Variants in DNAJC5B observed in about 807,000 individuals in gnomAD.
DNAJC5B encodes dnaJ homolog subfamily C member 5B.
DNAJC5B carries 23 observed loss-of-function variants against 24.7 expected under a neutral mutation model. That is an observed-to-expected ratio of 0.93 (90% CI 0.67 to 1.32). The LOEUF is 1.32. Among genes scored for constraint, DNAJC5B ranks in the 40% most tolerant of loss-of-function variants. DNAJC5B has a pLI of 0.00. For missense variants in DNAJC5B, 238 were observed against 240.8 expected, an observed-to-expected ratio of 0.99 and a Z score of 0.08; for synonymous variants, 101 against 90.1, an observed-to-expected ratio of 1.12 and a Z score of -0.68.
chr8:66,076,505 G>A (rs1807465555), intron 3 of DNAJC5B, among the ~76,000 whole-genome samples, 155 bp from the exon 4 acceptor site: 1 of 152,188 alleles, frequency 6.6e-6, no homozygotes, highest in East Asian at 1.9e-4. Flanking sequence ...ATCATTTAGT[G>A]AAAATGTACT....
chr8:66,094,957 A>G (rs982845104), intron 5 of DNAJC5B, among the ~76,000 whole-genome samples: 6 of 152,114 alleles, frequency 3.9e-5, no homozygotes, highest in Non-Finnish European at 7.4e-5. Flanking sequence ...AATTAAATTC[A>G]GCATAGTCTT....
intron 5 of DNAJC5B, among the ~76,000 whole-genome samples, chr8:66,097,579 C>G (rs1305519686): frequency 1.3e-5 from 2 of 150,418 alleles, no homozygotes; most frequent in East Asian, 1.9e-4. Flanking sequence ...TCAATTCTTT[C>G]ATCTGATAAC....
chr8:66,015,375 A>G, the DNAJC5B span, among the ~76,000 whole-genome samples: 1 of 152,078 alleles, frequency 6.6e-6, no homozygotes, highest in Non-Finnish European at 1.5e-5. Context: ...CATCGGCCTT[A>G]TGGCTTGAAA....
intron 1 of DNAJC5B, among the ~76,000 whole-genome samples, chr8:66,022,665 AAT>A (rs748967671): frequency 3.9e-5 from 6 of 152,228 alleles, no homozygotes; most frequent in Non-Finnish European, 7.4e-5. Flanking sequence ...ACACATCACG[AAT>A]AAATATATCA....
chr8:66,057,629 T>G (rs766998159), intron 3 of DNAJC5B: 1 of 152,122 alleles, frequency 6.6e-6, no homozygotes, highest in Non-Finnish European at 1.5e-5. Flanking sequence ...CAAGAAACAT[T>G]ATAATTAAAT....
intron 5 of DNAJC5B, among the ~76,000 whole-genome samples, chr8:66,083,960 C>T (rs1169338840): frequency 6.6e-6 from 1 of 152,134 alleles, no homozygotes; most frequent in Non-Finnish European, 1.5e-5. Flanking sequence ...AAAATGTGAA[C>T]ACATCGTTAG....
intron 1 of DNAJC5B, among the ~76,000 whole-genome samples, chr8:66,022,901 C>T (rs1806170103): frequency 6.6e-6 from 1 of 152,194 alleles, no homozygotes; most frequent in South Asian, 2.1e-4. Context: ...AGTTTTTAGG[C>T]TTCCTTCATT....
At chr8:66,053,360 T>C (rs1371632421) in intron 3 of DNAJC5B, among the ~76,000 whole-genome samples, 1 of 152,168 alleles carries the variant, frequency 6.6e-6, no homozygotes, top group African/African-American at 2.4e-5. Flanking sequence ...TGGAATAATT[T>C]GTGCTTGTAA....
chr8:66,083,325 T>C (rs577168270), intron 5 of DNAJC5B, among the ~76,000 whole-genome samples: 10 of 152,302 alleles, frequency 6.6e-5, no homozygotes, highest in African/African-American at 1.9e-4. Context: ...TGAAATATTT[T>C]CTATGAAAAA....
the DNAJC5B span, among the ~76,000 whole-genome samples, chr8:66,015,766 G>T: frequency 1.3e-5 from 2 of 152,266 alleles, no homozygotes; most frequent in East Asian, 3.9e-4. Flanking sequence ...TTTAGAGTAG[G>T]GTAGGGTTGA....
intron 5 of DNAJC5B, among the ~76,000 whole-genome samples, chr8:66,089,895 A>G (rs1807809269): frequency 6.6e-6 from 1 of 152,206 alleles, no homozygotes; most frequent in African/African-American, 2.4e-5. Context: ...GATCCCAGGA[A>G]CACAGAGGCA....
In DNAJC5B at chr8:66,060,193, C is replaced by T. The variant is rs28667894; in HGVS notation, c.119+8527C>T. Among the ~76,000 whole-genome samples, 1,349 of 152,298 alleles carry T rather than the reference C, an allele frequency of 8.9e-3. 26 individuals carry two copies. The highest frequency in any genetic ancestry group is 0.03 in the African/African-American group (1,257 of 41,554). On this transcript the variant is annotated intron_variant, in intron 3 of 5. Coordinates refer to ENST00000276570, the MANE Select transcript of DNAJC5B (RefSeq NM_033105.6). ...GTGAGCCAGACACTAGCAGTAATGT[C>T]GCTCTGCTTAGACTCTAGATCTCAT... is the stretch of plus-strand genomic sequence containing the variant.
At chr8:66,022,693 T>C (rs1485648498) in intron 1 of DNAJC5B, among the ~76,000 whole-genome samples, 3 of 152,290 alleles carry the variant, frequency 2.0e-5, no homozygotes, top group African/African-American at 7.2e-5. Context: ...GTAAGGTCAA[T>C]ACTCTCACAC....
chr8:66,031,315 C>A (rs1806356552), intron 1 of DNAJC5B, among the ~76,000 whole-genome samples: 1 of 152,138 alleles, frequency 6.6e-6, no homozygotes, highest in Non-Finnish European at 1.5e-5. Flanking sequence ...GAATGGCATA[C>A]AAATAATAAG....
chr8:66,031,621 C>T (rs1806362516), intron 1 of DNAJC5B, among the ~76,000 whole-genome samples: 2 of 152,212 alleles, frequency 1.3e-5, no homozygotes, highest in South Asian at 4.1e-4. Flanking sequence ...GATCTGCACT[C>T]AGCATGCCTG....
At chr8:66,060,835 C>A (rs1470364531) in intron 3 of DNAJC5B, among the ~76,000 whole-genome samples, 1 of 152,124 alleles carries the variant, frequency 6.6e-6, no homozygotes, top group Non-Finnish European at 1.5e-5. Flanking sequence ...TATTGAGCAC[C>A]GCCTCTGTGT....
intron 5 of DNAJC5B, among the ~76,000 whole-genome samples, chr8:66,090,862 C>A (rs1023318368): frequency 6.6e-6 from 1 of 152,170 alleles, no homozygotes; most frequent in Non-Finnish European, 1.5e-5. Flanking sequence ...CAAAAGGAAT[C>A]AATTTCTAAA....
At chr8:66,058,636 C>T (rs1807016790) in intron 3 of DNAJC5B, among the ~76,000 whole-genome samples, 1 of 152,214 alleles carries the variant, frequency 6.6e-6, no homozygotes, top group Admixed American at 6.5e-5. Context: ...ACAGAATTAA[C>T]CATAAAGCAG....
At chr8:66,027,846 C>T (rs1168495236) in intron 1 of DNAJC5B, among the ~76,000 whole-genome samples, 1 of 152,136 alleles carries the variant, frequency 6.6e-6, no homozygotes, top group Non-Finnish European at 1.5e-5. Flanking sequence ...CAAATGAATT[C>T]AATGTCAGTT....
Sources: allele counts gnomAD v4.1 joint callset (sites outside exome capture counted in the v4.1 genomes callset), GRCh38; gene constraint gnomAD v4.1.1; transcripts MANE v1.5; gene names NCBI Gene and HGNC (gene_info 2026-07-23, HGNC 2026-07-21).